Variants in WAC observed in about 807,000 individuals in gnomAD.
The protein encoded by WAC is WW domain containing adaptor with coiled-coil.
Under a neutral mutation model 79.6 loss-of-function variants are expected in WAC, and 11 were observed. The observed-to-expected ratio is 0.14, with a 90% CI of 0.09 to 0.23. The LOEUF is 0.23. Among genes scored for constraint, WAC ranks in the 10% least tolerant of loss-of-function variants. The pLI is 1.00. For synonymous variants in WAC, 304 were observed against 276.9 expected (o/e 1.10, Z -0.97); for missense variants, 728 against 773.5 (o/e 0.94, Z 0.70).
At chr10:28,584,300 C>G (rs1425775865) in intron 4 of WAC, among the ~76,000 whole-genome samples, 2 of 152,134 alleles carry the variant, frequency 1.3e-5, no homozygotes, top group East Asian at 3.9e-4. Context: ...CTCTGGACTT[C>G]ATAGCATACA....
intron 3 of WAC, among the ~76,000 whole-genome samples, chr10:28,578,435 C>T (rs867365372): frequency 3.2e-4 from 48 of 152,136 alleles, no homozygotes; most frequent in African/African-American, 1.0e-3. Flanking sequence ...TAAATTCTGG[C>T]GGTTGTCAGG....
Position 28,533,175 on chromosome 10 carries a change from GGCGGGA to G in WAC, c.-403_-398del. The stretch of plus-strand genomic sequence containing the variant: ...CGGCGGCACCAGCGGCGGCGGCGGC[GGCGGGA>G]GGAGGAGGAGGAGAAGAAGGACCAG... On this transcript the variant is annotated 5_prime_UTR_variant, in exon 1 of 14. Coordinates refer to ENST00000354911, the MANE Select transcript of WAC (RefSeq NM_016628.5). 4.1e-5 allele frequency: 7 copies of G among 171,840 alleles called. No homozygotes were observed. The highest frequency in any genetic ancestry group is 3.3e-4 in the South Asian group (3 of 9,108). The allele number at this position is 171,840 out of a possible 1,614,324, so 10.6% of individuals were successfully genotyped here.
At position 28,569,497 on chromosome 10, in the gene WAC, G is replaced by A. The variant is rs561509912; in HGVS notation, c.275-13902G>A. Among the ~76,000 whole-genome samples the A allele has an allele frequency of 1.4e-4, 21 of 152,326 alleles. 1 individual carries two copies. In the East Asian group the frequency reaches 1.7e-3, roughly 13 times the overall value. On this transcript the variant is annotated intron_variant, in intron 3 of 13. Transcript: ENST00000354911. ...ATTTTGTATTCCTGTGCTAAGGGGT[G>A]TATATAGTTGTGAATTCTCTTATTC...
chr10:28,614,379 C>T (rs1841385306), intron 10 of WAC, among the ~76,000 whole-genome samples, 188 bp from the exon 11 acceptor site: 1 of 152,260 alleles, frequency 6.6e-6, no homozygotes. Flanking sequence ...AGGCGTGAGC[C>T]ACCGCGCCCA....
intron 3 of WAC, among the ~76,000 whole-genome samples, chr10:28,573,162 G>C (rs550306431): frequency 6.6e-6 from 1 of 151,826 alleles, no homozygotes; most frequent in South Asian, 2.1e-4. Context: ...TTATTGTAGA[G>C]ACAGAATCTC....
intron 6 of WAC, chr10:28,591,838 A>C (rs1342717163): frequency 9.2e-5 from 3 of 32,700 alleles, no homozygotes; most frequent in Non-Finnish European, 1.8e-4. Flanking sequence ...TGTCTCAAAA[A>C]AAAAAAAAAA....
intron 1 of WAC, 135 bp from the exon 2 acceptor site, chr10:28,533,863 G>A (rs1157469681): frequency 1.3e-5 from 15 of 1,169,438 alleles, no homozygotes; most frequent in Non-Finnish European, 1.7e-5. Context: ...TTTGTGCCGT[G>A]TGCGTGCGGG....
At position 28,616,955 on chromosome 10, in the gene WAC, C is replaced by T. The variant is rs1465290131; in HGVS notation, c.1746+593C>T. Among the ~76,000 whole-genome samples, 5 of 152,162 alleles carry T rather than the reference C, an allele frequency of 3.3e-5. No individual in the cohort carries two copies. In the South Asian group the frequency reaches 1.0e-3, roughly 32 times the overall value. ...AAAATTAGCCAGGCATGGTGGCATG[C>T]ACCTGTAATTACAGCTACTCGGGAG... On this transcript the variant is annotated intron_variant, in intron 12 of 13. Transcript: ENST00000354911.
intron 3 of WAC, among the ~76,000 whole-genome samples, chr10:28,567,811 G>C (rs1838731000): frequency 6.6e-6 from 1 of 152,084 alleles, no homozygotes; most frequent in African/African-American, 2.4e-5. Flanking sequence ...CTGGAGTGCA[G>C]TGGCACTATC....
intron 3 of WAC, among the ~76,000 whole-genome samples, chr10:28,567,664 T>G (rs1439178827): frequency 6.6e-6 from 1 of 152,194 alleles, no homozygotes; most frequent in African/African-American, 2.4e-5. Flanking sequence ...CTCCCACCTC[T>G]TCTGCCTGCC....
chr10:28,557,933 G>T (rs1422879705), intron 3 of WAC, among the ~76,000 whole-genome samples: 1 of 152,090 alleles, frequency 6.6e-6, no homozygotes, highest in Non-Finnish European at 1.5e-5. Flanking sequence ...AATTAGCCGG[G>T]TGTGGTGGCA....
At chr10:28,615,595 T>C (rs1003512132) in intron 11 of WAC, 1 of 152,206 alleles carries the variant, frequency 6.6e-6, no homozygotes, top group African/African-American at 2.4e-5. Context: ...ACTTGGGTGA[T>C]TAAATTTTTT....
At chr10:28,607,278 C>G (rs916490729) in intron 7 of WAC, among the ~76,000 whole-genome samples, 3 of 152,150 alleles carry the variant, frequency 2.0e-5, no homozygotes, top group Non-Finnish European at 4.4e-5. Context: ...GTTCAGTCTA[C>G]CTTTAACTGG....
chr10:28,612,259 C>T (rs1841277494), intron 10 of WAC, among the ~76,000 whole-genome samples: 2 of 152,208 alleles, frequency 1.3e-5, no homozygotes, highest in Admixed American at 1.3e-4. Flanking sequence ...TTTCCAGTGA[C>T]TTTTCCATAT....
chr10:28,558,221 C>CT lies in WAC; in HGVS notation c.274+22473dup, dbSNP rs896820907. Among the ~76,000 whole-genome samples, 6 of 151,182 alleles carry CT rather than the reference C, an allele frequency of 4.0e-5. No individual in the cohort carries two copies. The East Asian group carries it at 5.8e-4, about 15-fold the overall frequency. On this transcript the variant is annotated intron_variant, in intron 3 of 13. Coordinates refer to ENST00000354911, the MANE Select transcript of WAC (RefSeq NM_016628.5). ...AAAACTTTGTGAAATTATTTTTCTC[C>CT]TTTTTTTTTCTGTTGCCACTTTGTT...
chr10:28,587,400 T>C (rs1253222599), intron 4 of WAC, among the ~76,000 whole-genome samples: 1 of 152,172 alleles, frequency 6.6e-6, no homozygotes, highest in Non-Finnish European at 1.5e-5. Flanking sequence ...TGTATGCTTG[T>C]GGTAAAATGA....
In WAC at chr10:28,610,756, C is replaced by T. The variant is rs1196487990; in HGVS notation, c.1223C>T (p.Thr408Ile). Residue 408 changes from threonine to isoleucine, a missense_variant, in exon 9 of 14, where the codon ACT becomes ATT. By Grantham distance (89) the Thr-to-Ile change is moderately conservative. Coordinates refer to ENST00000354911, the MANE Select transcript of WAC (RefSeq NM_016628.5). ...SLQSIIHKFL[T>I]AGPSAFNITS... The stretch of plus-strand genomic sequence containing the variant: ...CAGTCTATAATTCATAAGTTTCTTA[C>T]TGCTGGACCATCTGCTTTCAACATA... 4.3e-6 allele frequency: 7 copies of T among 1,612,910 alleles called. No individual in the cohort carries two copies. Among genetic ancestry groups the T allele is most frequent in the Non-Finnish European group, 5.9e-6 (7 of 1,179,766 alleles).
At chr10:28,585,839 A>T (rs1839794209) in intron 4 of WAC, among the ~76,000 whole-genome samples, 1 of 152,166 alleles carries the variant, frequency 6.6e-6, no homozygotes, top group South Asian at 2.1e-4. Context: ...CAGGGAAGAC[A>T]AACTTTGATT....
chr10:28,621,105 TC>T lies in WAC; in HGVS notation c.*1500del, dbSNP rs1841672659. On this transcript the variant is annotated 3_prime_UTR_variant, in exon 14 of 14. Transcript: ENST00000354911. ...GGGTTTCCGCATGAAAAAAATCTTT[TC>T]TTCCCCCACAAAAAAACCTTTACCA... The T allele has an allele frequency of 6.6e-6, 1 of 151,838 alleles. No homozygotes were observed. Among genetic ancestry groups the T allele is most frequent in the Non-Finnish European group, 1.5e-5 (1 of 67,918 alleles). The allele number at this position is 151,838 out of a possible 1,614,324, so 9.4% of individuals were successfully genotyped here.
Sources: gnomAD v4.1 joint callset for allele counts (sites outside exome capture counted in the v4.1 genomes callset) on GRCh38, gnomAD v4.1.1 for gene constraint, MANE v1.5 for transcripts, NCBI Gene and HGNC (gene_info 2026-07-23, HGNC 2026-07-21) for gene names.